COL12A1: variants seen among roughly 807,000 people sequenced by gnomAD.
COL12A1 encodes collagen type XII alpha 1 chain.
In COL12A1, 114 loss-of-function variants were observed where a neutral mutation model predicts 349.7. The ratio of observed to expected loss-of-function variants is 0.33; its 90% CI spans 0.28 to 0.38. COL12A1 has a LOEUF of 0.38. Ranked by LOEUF, COL12A1 falls within the 10% of genes least tolerant of loss-of-function variation. The pLI is 1.00. For synonymous variants in COL12A1, 1,369 were observed against 1,329.0 expected (o/e 1.03, Z -0.66); for missense variants, 3,284 against 3,756.9 (o/e 0.87, Z 3.29).
At chr6:75,128,496 T>C (rs533343223) in intron 37 of COL12A1, 71 bp from the exon 38 acceptor site, 1 of 1,314,058 alleles carries the variant, frequency 7.6e-7, no homozygotes, top group African/African-American at 1.5e-5. Flanking sequence ...AGTATTGTTT[T>C]ATGTATTCCC....
chr6:75,196,146 T>C (rs943755026), intron 2 of COL12A1, among the ~76,000 whole-genome samples: 1 of 152,214 alleles, frequency 6.6e-6, no homozygotes, highest in Non-Finnish European at 1.5e-5. Flanking sequence ...AGCATTGTAC[T>C]GACTCACTGT....
At chr6:75,162,406 G>C (rs1162087807) in intron 14 of COL12A1, among the ~76,000 whole-genome samples, 10 of 152,124 alleles carry the variant, frequency 6.6e-5, no homozygotes, top group Admixed American at 6.5e-4. Context: ...ACAAGCAATG[G>C]GGAAAGGATT....
At chr6:75,179,031 T>G (rs1769124755) in intron 11 of COL12A1, among the ~76,000 whole-genome samples, 1 of 152,206 alleles carries the variant, frequency 6.6e-6, no homozygotes, top group African/African-American at 2.4e-5. Flanking sequence ...CAGATTACCC[T>G]AGCAGCAAAA....
rs1478704246 is a variant in COL12A1 at position 75,133,951 on chromosome 6, G to A, written c.5571C>T (p.Thr1857=). The part of the protein sequence containing the change: ...VRNLRVYDPS[T]STLNVRWDHA... ...GGTCCCAGCGGACATTCAAGGTGCT[G>A]GTAGAAGGGTCATACACTCTCAGGT... Residue 1857 remains threonine, a synonymous_variant, in exon 33 of 66, where the codon ACC becomes ACT. Coordinates refer to ENST00000322507, the MANE Select transcript of COL12A1 (RefSeq NM_004370.6). 5 of 1,614,024 alleles carry A rather than the reference G, an allele frequency of 3.1e-6. No individual in the cohort carries two copies. The highest frequency in any genetic ancestry group is 2.2e-5 in the East Asian group (1 of 44,850).
chr6:75,124,651 T>G (rs1765925304), intron 40 of COL12A1, among the ~76,000 whole-genome samples: 1 of 152,128 alleles, frequency 6.6e-6, no homozygotes, highest in Non-Finnish European at 1.5e-5. Context: ...TGAAAACAAT[T>G]TCTAAAAGGC....
At chr6:75,086,642 G>T in intron 65 of COL12A1, 85 bp from the exon 66 acceptor site, 1 of 705,452 alleles carries the variant, frequency 1.4e-6, no homozygotes, top group Non-Finnish European at 2.2e-6. Context: ...GTATGTAATG[G>T]TTAAAGTATA....
intron 14 of COL12A1, among the ~76,000 whole-genome samples, chr6:75,159,655 T>C (rs761184512): frequency 1.1e-4 from 17 of 151,766 alleles, no homozygotes; most frequent in Non-Finnish European, 2.4e-4. Context: ...TTCTCATCTT[T>C]TGTTTCATCT....
At chr6:75,107,424 C>A (rs577211857) in intron 52 of COL12A1, among the ~76,000 whole-genome samples, 2 of 152,064 alleles carry the variant, frequency 1.3e-5, no homozygotes, top group African/African-American at 4.8e-5. Context: ...GCGCCCACTA[C>A]CACGCCCAGC....
chr6:75,130,261 G>T, intron 36 of COL12A1, 28 bp from the exon 37 acceptor site: 1 of 1,607,422 alleles, frequency 6.2e-7, no homozygotes, highest in Non-Finnish European at 8.5e-7. Context: ...AATAGAGTTT[G>T]TTGCCTGCCT....
At chr6:75,156,655 A>G (rs781699254) in intron 14 of COL12A1, 132 bp from the exon 15 acceptor site, 7 of 864,896 alleles carry the variant, frequency 8.1e-6, no homozygotes, top group Non-Finnish European at 1.2e-5. Flanking sequence ...TAGCATTGTA[A>G]TCTCTCATAA....
At chr6:75,162,895 A>G (rs1337343150) in intron 14 of COL12A1, among the ~76,000 whole-genome samples, 1 of 152,264 alleles carries the variant, frequency 6.6e-6, no homozygotes, top group East Asian at 1.9e-4. Flanking sequence ...TATGCAGCCA[A>G]CAGACATATG....
Position 75,174,370 on chromosome 6 carries a change from C to A in COL12A1, c.2710+668G>T, listed in dbSNP as rs532441205. Among the ~76,000 whole-genome samples the A allele has an allele frequency of 2.6e-3, 389 of 152,236 alleles. 2 individuals carry two copies. The highest frequency in any genetic ancestry group is 6.8e-3 in the Middle Eastern group (2 of 294). On this transcript the variant is annotated intron_variant, in intron 13 of 65. Transcript: ENST00000322507. ...AGGAGATCGAGATCATCCTGGCTAA[C>A]ATGGTGAAACCCCGTCCCTACTAAA...
chr6:75,091,456 C>A (rs1184176394), intron 61 of COL12A1, 34 bp downstream of exon 61: 1 of 1,612,614 alleles, frequency 6.2e-7, no homozygotes, highest in South Asian at 1.1e-5. Flanking sequence ...GTTTAACACA[C>A]AAAATAAACG....
chr6:75,117,678 C>G, intron 46 of COL12A1, 132 bp from the exon 47 acceptor site: 1 of 810,074 alleles, frequency 1.2e-6, no homozygotes, highest in Non-Finnish European at 1.9e-6. Context: ...TTTTACTTGA[C>G]GTGAACTCTC....
At chr6:75,123,006 G>A (rs1408665094) in intron 43 of COL12A1, among the ~76,000 whole-genome samples, 1 of 152,140 alleles carries the variant, frequency 6.6e-6, no homozygotes, top group South Asian at 2.1e-4. Context: ...GGTTCACAGC[G>A]CTTACTGATG....
At position 75,204,293 on chromosome 6, in the gene COL12A1, G is replaced by A. The variant is rs3756790; in HGVS notation, c.-35-1466C>T. 7.8e-3 allele frequency among the ~76,000 whole-genome samples: 1,188 copies of A among 152,118 alleles called. 46 individuals are homozygous for A. The East Asian group carries it at 0.12, about 16-fold the overall frequency. On this transcript the variant is annotated intron_variant, in intron 1 of 65. Coordinates refer to ENST00000322507, the MANE Select transcript of COL12A1 (RefSeq NM_004370.6). ...ATAATTTCCAACTCAGTTGGCAGTC[G>A]TGCTCGCGAGAAGTTAAAGGCGAAC...
At chr6:75,169,302 T>C (rs35116474) in intron 13 of COL12A1, among the ~76,000 whole-genome samples, 7,892 of 152,260 alleles carry the variant, frequency 0.052, 258 homozygotes, top group Non-Finnish European at 0.074. Context: ...CAAGAGTCCC[T>C]TTTTAGAGTA....
intron 21 of COL12A1, among the ~76,000 whole-genome samples, chr6:75,150,375 AC>A (rs1478120867): frequency 1.3e-5 from 2 of 152,142 alleles, no homozygotes; most frequent in African/African-American, 4.8e-5. Flanking sequence ...AGCTATATCT[AC>A]TTTTTTAATA....
intron 58 of COL12A1, among the ~76,000 whole-genome samples, chr6:75,101,178 G>C (rs1768286597): frequency 6.6e-6 from 1 of 152,188 alleles, no homozygotes; most frequent in Non-Finnish European, 1.5e-5. Context: ...TAAAGGTGTA[G>C]ACAGGATGTC....
Sources: gnomAD v4.1 joint callset for allele counts (sites outside exome capture counted in the v4.1 genomes callset) on GRCh38, gnomAD v4.1.1 for gene constraint, MANE v1.5 for transcripts, NCBI Gene and HGNC (gene_info 2026-07-23, HGNC 2026-07-21) for gene names.